The following GPHN variants were observed in gnomAD, a reference collection of about 807,000 sequenced individuals.
GPHN encodes gephyrin.
Under a neutral mutation model 95.5 loss-of-function variants are expected in GPHN, and 17 were observed. The ratio of observed to expected loss-of-function variants is 0.18; its 90% CI spans 0.12 to 0.27. The LOEUF (loss-of-function observed/expected upper bound fraction) is 0.27. GPHN is among the 10% of genes least tolerant of loss of function. The pLI is 1.00. For missense variants in GPHN, 660 were observed against 978.1 expected (o/e 0.67, Z 4.34); for synonymous variants, 320 against 322.5 (o/e 0.99, Z 0.08).
chr14:67,481,846 C>T, the GPHN span, among the ~76,000 whole-genome samples: 1 of 152,196 alleles, frequency 6.6e-6, no homozygotes, highest in African/African-American at 2.4e-5. Flanking sequence ...GAACCGGCAG[C>T]TCAGGGGACC....
intron 4 of GPHN, among the ~76,000 whole-genome samples, chr14:66,860,865 CA>C (rs1567030426): frequency 6.6e-6 from 1 of 151,410 alleles, no homozygotes; most frequent in Non-Finnish European, 1.5e-5. Context: ...AACTTCCAAT[CA>C]AAAAAACCTA....
the GPHN span, among the ~76,000 whole-genome samples, chr14:67,673,428 A>G: frequency 6.6e-6 from 1 of 152,208 alleles, no homozygotes; most frequent in Admixed American, 6.5e-5. Context: ...GTATTCTTTA[A>G]CACTGCCTCT....
At chr14:67,726,896 C>T in the GPHN span, 2 of 1,210,392 alleles carry the variant, frequency 1.7e-6, no homozygotes, top group South Asian at 2.5e-5. Flanking sequence ...AGATAGTGAG[C>T]TAACACTGAA....
intron 10 of GPHN, among the ~76,000 whole-genome samples, chr14:67,041,623 G>C (rs1309705525): frequency 2.0e-5 from 3 of 152,134 alleles, no homozygotes; most frequent in African/African-American, 7.2e-5. Flanking sequence ...ATCATTGATG[G>C]ACATCTGGGT....
chr14:67,296,458 G>A, the GPHN span, among the ~76,000 whole-genome samples: 5 of 151,844 alleles, frequency 3.3e-5, no homozygotes, highest in South Asian at 2.1e-4. Flanking sequence ...AAAATTAGGC[G>A]GGTGTGGTGG....
chr14:67,729,451 A>G, the GPHN span: 2 of 1,473,968 alleles, frequency 1.4e-6, no homozygotes, highest in Non-Finnish European at 1.9e-6. Context: ...TGGGCTGTTC[A>G]TCCTGAGAAG....
intron 8 of GPHN, among the ~76,000 whole-genome samples, chr14:66,931,258 C>G (rs2066777161): frequency 6.6e-6 from 1 of 152,002 alleles, no homozygotes; most frequent in African/African-American, 2.4e-5. Flanking sequence ...TTATTTTTCT[C>G]TTGATGCTTT....
chr14:67,265,757 T>G, the GPHN span, among the ~76,000 whole-genome samples: 1 of 150,182 alleles, frequency 6.7e-6, no homozygotes, highest in South Asian at 2.1e-4. Context: ...CTCTGGAGGC[T>G]GAGGCATGAG....
the GPHN span, among the ~76,000 whole-genome samples, chr14:67,566,425 T>C: frequency 2.6e-5 from 4 of 152,186 alleles, no homozygotes; most frequent in East Asian, 7.7e-4. Flanking sequence ...TTTGCCAAAA[T>C]ACAGCCATTC....
At chr14:67,580,286 A>G in the GPHN span, 11 of 183,012 alleles carry the variant, frequency 6.0e-5, no homozygotes, top group African/African-American at 1.2e-4. Context: ...TTCAGGGCCT[A>G]TGCCATGCTT....
chr14:67,443,880 C>A, the GPHN span, among the ~76,000 whole-genome samples: 2 of 152,190 alleles, frequency 1.3e-5, no homozygotes, highest in African/African-American at 4.8e-5. Flanking sequence ...GAAAATAAAT[C>A]TTGGGGCCCC....
At chr14:66,553,496 T>C (rs2059897813) in intron 1 of GPHN, among the ~76,000 whole-genome samples, 1 of 152,222 alleles carries the variant, frequency 6.6e-6, no homozygotes, top group African/African-American at 2.4e-5. Flanking sequence ...TAGAGAATTT[T>C]GATTGATTGG....
At chr14:67,600,144 G>C in the GPHN span, 1 of 1,593,758 alleles carries the variant, frequency 6.3e-7, no homozygotes. Flanking sequence ...GGGAGTAGTA[G>C]CGGCGCTGCA....
intron 4 of GPHN, among the ~76,000 whole-genome samples, chr14:66,833,019 C>T (rs1285224758): frequency 2.0e-5 from 3 of 152,146 alleles, no homozygotes; most frequent in African/African-American, 4.8e-5. Flanking sequence ...GATGGATACA[C>T]TAGACCTACA....
At chr14:67,569,654 C>A in the GPHN span, 1 of 516,922 alleles carries the variant, frequency 1.9e-6, no homozygotes. Flanking sequence ...ACATCTGCAA[C>A]AGTGGAACAC....
intron 9 of GPHN, among the ~76,000 whole-genome samples, chr14:66,998,908 C>G (rs76926418): frequency 6.9e-6 from 1 of 145,290 alleles, no homozygotes; most frequent in African/African-American, 2.6e-5. Context: ...TATATATACA[C>G]ATATATATAT....
At chr14:67,583,555 C>G in the GPHN span, among the ~76,000 whole-genome samples, 3 of 152,164 alleles carry the variant, frequency 2.0e-5, no homozygotes, top group Non-Finnish European at 2.9e-5. Context: ...TATTCGAGGG[C>G]CCTAAGTTTG....
At chr14:67,208,281 A>G in the GPHN span, 2 of 1,614,046 alleles carry the variant, frequency 1.2e-6, no homozygotes, top group African/African-American at 1.3e-5. Flanking sequence ...TCCTCAAAAC[A>G]TGTCACCATC....
the GPHN span, among the ~76,000 whole-genome samples, chr14:67,209,863 C>A: frequency 6.7e-6 from 1 of 148,616 alleles, no homozygotes; most frequent in African/African-American, 2.5e-5. Flanking sequence ...TAATAGATTA[C>A]CTTTATATAT....
Sources: allele counts gnomAD v4.1 joint callset (sites outside exome capture counted in the v4.1 genomes callset), GRCh38; gene constraint gnomAD v4.1.1; transcripts MANE v1.5; gene names NCBI Gene and HGNC (gene_info 2026-07-23, HGNC 2026-07-21).